TOX3: variants seen among roughly 807,000 people sequenced by gnomAD.
TOX3 encodes the protein TOX high mobility group box family member 3, also known as CAG trinucleotide repeat-containing gene F9 protein.
Under a neutral mutation model 64.3 loss-of-function variants are expected in TOX3, and 22 were observed. The observed-to-expected ratio is 0.34, with a 90% CI of 0.24 to 0.49. The LOEUF is 0.49. Among genes scored for constraint, TOX3 ranks in the 20% least tolerant of loss-of-function variants. The probability of loss-of-function intolerance (pLI) is 0.99; values close to 1 mark genes in which losing one functional copy is unlikely to be tolerated. For missense variants in TOX3, 661 were observed against 714.4 expected (o/e 0.93, Z 0.85); for synonymous variants, 291 against 273.6 (o/e 1.06, Z -0.63).
At chr16:52,540,588 A>G (rs1334694711) in intron 1 of TOX3, among the ~76,000 whole-genome samples, 1 of 152,118 alleles carries the variant, frequency 6.6e-6, no homozygotes, top group East Asian at 1.9e-4. Context: ...TTTGCTAGTG[A>G]GTAGCCTAGG....
chr16:52,517,864 G>C (rs564288003), intron 1 of TOX3, among the ~76,000 whole-genome samples: 11 of 152,108 alleles, frequency 7.2e-5, no homozygotes, highest in African/African-American at 2.7e-4. Context: ...ACCTCTGACC[G>C]AAAGAGACAC....
At chr16:52,544,508 C>T (rs894169450) in intron 1 of TOX3, among the ~76,000 whole-genome samples, 4 of 152,116 alleles carry the variant, frequency 2.6e-5, no homozygotes, top group African/African-American at 7.2e-5. Context: ...CAATATTAAG[C>T]GCTATGTCTA....
At chr16:52,522,814 T>TTTTG (rs1164764357) in intron 1 of TOX3, among the ~76,000 whole-genome samples, 1 of 152,208 alleles carries the variant, frequency 6.6e-6, no homozygotes, top group Non-Finnish European at 1.5e-5. Flanking sequence ...AGAAGCATTT[T>TTTTG]TTTGTTTGTT....
intron 1 of TOX3, among the ~76,000 whole-genome samples, chr16:52,515,466 A>G (rs1279820900): frequency 1.3e-5 from 2 of 152,198 alleles, no homozygotes; most frequent in Non-Finnish European, 2.9e-5. Flanking sequence ...CAATTCTATC[A>G]TGCTTTGACA....
At chr16:52,490,216 ACTCT>A (rs1182457846) in intron 1 of TOX3, among the ~76,000 whole-genome samples, 2 of 150,166 alleles carry the variant, frequency 1.3e-5, no homozygotes, top group African/African-American at 4.9e-5. Context: ...TTCCCCCTTC[ACTCT>A]CTCCCTCTCT....
In TOX3 at chr16:52,546,580, G is replaced by C. The variant is rs528921374; in HGVS notation, c.87+57C>G. 17 of 1,484,134 alleles carry C rather than the reference G, an allele frequency of 1.1e-5. No homozygotes were observed. The South Asian group carries it at 1.9e-4, about 16-fold the overall frequency. The allele number at this position is 1,484,134 out of a possible 1,614,324, so 91.9% of individuals were successfully genotyped here. A position where few individuals can be genotyped will look rare whatever the true frequency, so the allele number is the denominator to read the frequency against. ...CAGGCGGTGAGCCCGAGCGCGGGGC[G>C]CGCCCAGGATGGGGAGGTGGCCCCC... On this transcript the variant is annotated intron_variant, in intron 1 of 6. Transcript: ENST00000219746.
chr16:52,469,708 A>T (rs751178085), intron 1 of TOX3, among the ~76,000 whole-genome samples: 1 of 152,204 alleles, frequency 6.6e-6, no homozygotes, highest in Non-Finnish European at 1.5e-5. Flanking sequence ...ACACAGATAA[A>T]TATTGAGAAT....
chr16:52,531,184 T>G (rs756903753), intron 1 of TOX3, among the ~76,000 whole-genome samples: 1 of 152,162 alleles, frequency 6.6e-6, no homozygotes, highest in Non-Finnish European at 1.5e-5. Context: ...AGAAAGTTAT[T>G]TATTATAAAC....
chr16:52,491,176 C>T (rs1027869086), intron 1 of TOX3, among the ~76,000 whole-genome samples: 5 of 152,108 alleles, frequency 3.3e-5, no homozygotes, highest in Non-Finnish European at 5.9e-5. Flanking sequence ...CTGCTCCTCT[C>T]CTCCATTGCC....
chr16:52,444,462 T>C, intron 5 of TOX3, 106 bp from the exon 6 acceptor site: 1 of 892,190 alleles, frequency 1.1e-6, no homozygotes, highest in East Asian at 2.8e-5. Context: ...ATAAAAAGGT[T>C]GGTCTCCTTG....
At chr16:52,484,250 T>C (rs762772155) in intron 1 of TOX3, among the ~76,000 whole-genome samples, 37 of 152,202 alleles carry the variant, frequency 2.4e-4, no homozygotes, top group Non-Finnish European at 2.6e-4. Flanking sequence ...GTTTTGTGTC[T>C]CAAATTTGTC....
At position 52,438,520 on chromosome 16, in the gene TOX3, T is replaced by C. The variant is rs1184583772; in HGVS notation, c.*705A>G. On this transcript the variant is annotated 3_prime_UTR_variant, in exon 7 of 7. Coordinates refer to ENST00000219746, the MANE Select transcript of TOX3 (RefSeq NM_001080430.4). ...AATATAGTATTCACATTTCTTCTAA[T>C]TGGAATGAATATAATGGGCTAACAG... 2 of 152,770 alleles carry C rather than the reference T, an allele frequency of 1.3e-5. No individual in the cohort carries two copies. The highest frequency in any genetic ancestry group is 2.9e-5 in the Non-Finnish European group (2 of 68,146). The allele number at this position is 152,770 out of a possible 1,614,324, so 9.5% of individuals were successfully genotyped here.
chr16:52,547,258 C>A (rs1271505591), upstream of TOX3: 2 of 144,658 alleles, frequency 1.4e-5, no homozygotes, highest in African/African-American at 5.0e-5. Context: ...CCGCCCGCCC[C>A]GCCGGTGCGC....
chr16:52,446,776 C>G (rs1020277612), intron 4 of TOX3, among the ~76,000 whole-genome samples: 8 of 151,968 alleles, frequency 5.3e-5, no homozygotes, highest in African/African-American at 1.9e-4. Flanking sequence ...AATTTCTATA[C>G]TTGCAGCATT....
At chr16:52,531,831 G>C (rs1193185102) in intron 1 of TOX3, among the ~76,000 whole-genome samples, 2 of 152,142 alleles carry the variant, frequency 1.3e-5, no homozygotes, top group Non-Finnish European at 2.9e-5. Context: ...CAAGCAGGGA[G>C]AGAGGCCTGG....
chr16:52,469,547 C>T (rs1000069402), intron 1 of TOX3, among the ~76,000 whole-genome samples: 1 of 151,952 alleles, frequency 6.6e-6, no homozygotes, highest in African/African-American at 2.4e-5. Flanking sequence ...TTGAATGCAT[C>T]AAATAAAACA....
intron 1 of TOX3, among the ~76,000 whole-genome samples, chr16:52,500,811 A>C (rs1167913783): frequency 6.6e-6 from 1 of 152,206 alleles, no homozygotes; most frequent in Non-Finnish European, 1.5e-5. Context: ...AACTACAGAC[A>C]TGTTAAAATG....
rs998523507 is a variant in TOX3, at chr16:52,436,776, G to T, written c.*2449C>A. 1 of 152,122 alleles carries T rather than the reference G, an allele frequency of 6.6e-6. No individual in the cohort carries two copies. The highest frequency in any genetic ancestry group is 1.5e-5 in the Non-Finnish European group (1 of 68,024). 9.4% of individuals were successfully genotyped at this position (152,122 alleles called of 1,614,324 possible). A position where few individuals can be genotyped will look rare whatever the true frequency, so the allele number is the denominator to read the frequency against. On this transcript the variant is annotated 3_prime_UTR_variant, in exon 7 of 7. Transcript: ENST00000219746. ...TCATTTAATAGATGTTACAACACCT[G>T]CTTCTAACTGCAAACAGTTGAAAAC...
At chr16:52,441,735 C>T (rs989903888) in intron 6 of TOX3, among the ~76,000 whole-genome samples, 1 of 152,102 alleles carries the variant, frequency 6.6e-6, no homozygotes, top group African/African-American at 2.4e-5. Flanking sequence ...TGAGATGTAA[C>T]CTCATATAGA....
Sources: allele counts gnomAD v4.1 joint callset (sites outside exome capture counted in the v4.1 genomes callset), GRCh38; gene constraint gnomAD v4.1.1; transcripts MANE v1.5; gene names NCBI Gene and HGNC (gene_info 2026-07-23, HGNC 2026-07-21).